The following LCLAT1 variants were observed in gnomAD, a reference collection of about 807,000 sequenced individuals.
The protein encoded by LCLAT1 is lysocardiolipin acyltransferase 1.
LCLAT1 carries 11 observed loss-of-function variants against 30.7 expected under a neutral mutation model. The ratio of observed to expected loss-of-function variants is 0.36; its 90% CI spans 0.23 to 0.59. LCLAT1 has a LOEUF of 0.59. Among genes scored for constraint, LCLAT1 ranks in the 20% least tolerant of loss-of-function variants. The pLI is 0.77. For synonymous variants in LCLAT1, 155 were observed against 151.3 expected, an observed-to-expected ratio of 1.02 and a Z score of -0.18; for missense variants, 402 against 458.6, an observed-to-expected ratio of 0.88 and a Z score of 1.13.
At chr2:30,560,630 C>T (rs1170333242) in intron 3 of LCLAT1, among the ~76,000 whole-genome samples, 3 of 152,082 alleles carry the variant, frequency 2.0e-5, no homozygotes, top group Non-Finnish European at 4.4e-5. Context: ...AGCCACCATG[C>T]CTGGCTATGT....
intron 5 of LCLAT1, among the ~76,000 whole-genome samples, chr2:30,638,509 A>C (rs978762319): frequency 6.6e-6 from 1 of 152,202 alleles, no homozygotes; most frequent in African/African-American, 2.4e-5. Flanking sequence ...ATGGTTCTGT[A>C]AGTAATCAAA....
intron 1 of LCLAT1, among the ~76,000 whole-genome samples, chr2:30,467,135 C>T (rs1237242560): frequency 2.0e-5 from 3 of 152,112 alleles, no homozygotes; most frequent in African/African-American, 4.8e-5. Context: ...TTCCCCTTCC[C>T]GTGTCCAAGT....
intron 1 of LCLAT1, among the ~76,000 whole-genome samples, chr2:30,478,621 T>C (rs1683161450): frequency 6.6e-6 from 1 of 152,170 alleles, no homozygotes. Flanking sequence ...TAAGCCATGA[T>C]TGTGCCACTG....
intron 5 of LCLAT1, among the ~76,000 whole-genome samples, chr2:30,584,892 T>G (rs1310825452): frequency 6.6e-6 from 1 of 151,192 alleles, no homozygotes; most frequent in Non-Finnish European, 1.5e-5. Flanking sequence ...CGGAAAAGTT[T>G]GCCAGTGGAA....
At chr2:30,598,316 A>G (rs973908997) in intron 5 of LCLAT1, among the ~76,000 whole-genome samples, 2 of 151,788 alleles carry the variant, frequency 1.3e-5, no homozygotes, top group Non-Finnish European at 2.9e-5. Flanking sequence ...CCTCAATTTC[A>G]GAACTCGTTA....
intron 5 of LCLAT1, among the ~76,000 whole-genome samples, chr2:30,620,087 G>T (rs1668169303): frequency 6.6e-6 from 1 of 152,128 alleles, no homozygotes; most frequent in Admixed American, 6.5e-5. Context: ...GGTTATGTAT[G>T]TTTCTCAGGG....
At chr2:30,457,849 G>A (rs571234512) in intron 1 of LCLAT1, among the ~76,000 whole-genome samples, 5 of 152,078 alleles carry the variant, frequency 3.3e-5, no homozygotes, top group East Asian at 3.8e-4. Context: ...TAACCTAAGC[G>A]TGTGTTACTT....
In LCLAT1 at chr2:30,641,300, G is replaced by GTT. The variant is rs1669292907; in HGVS notation, c.*683_*684dup. The GTT allele has an allele frequency of 6.6e-6, 1 of 152,152 alleles. No individual in the cohort carries two copies. Among genetic ancestry groups the GTT allele is most frequent in the African/African-American group, 2.4e-5 (1 of 41,424 alleles). The allele number at this position is 152,152 out of a possible 1,614,324, so 9.4% of individuals were successfully genotyped here. On this transcript the variant is annotated 3_prime_UTR_variant, in exon 6 of 6. Coordinates refer to ENST00000379509, the MANE Select transcript of LCLAT1 (RefSeq NM_001002257.3). Reference sequence around the variant, plus strand: ...ACAGGCTCTCCACTTTGAAACTTTAGTTTGAATTTTAAAAGATAGGAAGTA... The same window carrying GTT: ...ACAGGCTCTCCACTTTGAAACTTTAGTTTTTGAATTTTAAAAGATAGGAAGTA...
At chr2:30,493,907 A>G (rs1247996865) in intron 1 of LCLAT1, among the ~76,000 whole-genome samples, 1 of 152,192 alleles carries the variant, frequency 6.6e-6, no homozygotes, top group African/African-American at 2.4e-5. Context: ...TAACCCAACA[A>G]TTTCAGAGGC....
rs11325119 is a variant in LCLAT1 at position 30,523,267 on chromosome 2, G to GTTTT, written c.-4-2309_-4-2306dup. 8.2e-5 allele frequency among the ~76,000 whole-genome samples: 12 copies of GTTTT among 146,008 alleles called. No individual in the cohort carries two copies. In the East Asian group the frequency reaches 2.4e-3, roughly 29 times the overall value. On this transcript the variant is annotated intron_variant, in intron 1 of 5. Transcript: ENST00000379509. ...CAATACCAAATTAAGATGTTCGTAG[G>GTTTT]TTTTTTTTTTTTTTCTGGGGAGAAG...
chr2:30,494,580 G>A (rs887761215), intron 1 of LCLAT1, among the ~76,000 whole-genome samples: 2 of 151,438 alleles, frequency 1.3e-5, no homozygotes, highest in African/African-American at 2.4e-5. Flanking sequence ...ACATGCATAC[G>A]TGCATACATG....
At chr2:30,502,020 C>G (rs941097393) in intron 1 of LCLAT1, among the ~76,000 whole-genome samples, 20 of 152,108 alleles carry the variant, frequency 1.3e-4, no homozygotes, top group African/African-American at 4.1e-4. Context: ...ACAGATGTTG[C>G]TGGGATATTT....
At chr2:30,547,249 G>C (rs891933135) in intron 3 of LCLAT1, among the ~76,000 whole-genome samples, 1 of 152,122 alleles carries the variant, frequency 6.6e-6, no homozygotes, top group Admixed American at 6.5e-5. Flanking sequence ...CTATGCTATA[G>C]CTATTACTGT....
At position 30,449,490 on chromosome 2, in the gene LCLAT1, A is replaced by G. The variant is rs376056304; in HGVS notation, c.-5+2107A>G. Among the ~76,000 whole-genome samples, 152 of 151,158 alleles carry G rather than the reference A, an allele frequency of 1.0e-3. 1 individual carries two copies. Among genetic ancestry groups the G allele is most frequent in the African/African-American group, 3.4e-3 (142 of 41,218 alleles). ...TAAAAAGTTATTTTGAAACAGAGTT[A>G]TGACTAATTTCTTTTTTTTTTTTTT... On this transcript the variant is annotated intron_variant, in intron 1 of 5. Transcript: ENST00000379509.
chr2:30,641,763 G>C lies in LCLAT1; in HGVS notation c.*1144G>C, dbSNP rs920360375. 2 of 152,054 alleles carry C rather than the reference G, an allele frequency of 1.3e-5. No homozygotes were observed. The highest frequency in any genetic ancestry group is 4.8e-5 in the African/African-American group (2 of 41,408). The allele number at this position is 152,054 out of a possible 1,614,324, so 9.4% of individuals were successfully genotyped here. A position where few individuals can be genotyped will look rare whatever the true frequency, so the allele number is the denominator to read the frequency against. ...AATAGTAATATTTAAACCCACTTTT[G>C]ACCAATTGTTTGCCCAAATATTCTT... On this transcript the variant is annotated 3_prime_UTR_variant, in exon 6 of 6. Transcript: ENST00000379509.
chr2:30,506,068 G>A (rs900599499), intron 1 of LCLAT1, among the ~76,000 whole-genome samples: 58 of 152,014 alleles, frequency 3.8e-4, no homozygotes, highest in African/African-American at 1.4e-3. Context: ...CTGAAGTTTG[G>A]CCCCATTCTG....
chr2:30,557,412 C>T (rs910658584), intron 3 of LCLAT1, among the ~76,000 whole-genome samples: 1 of 150,832 alleles, frequency 6.6e-6, no homozygotes, highest in Non-Finnish European at 1.5e-5. Context: ...GAAAAATTCA[C>T]ATCAATTTTT....
chr2:30,508,263 T>C (rs909598154), intron 1 of LCLAT1, among the ~76,000 whole-genome samples: 8 of 152,216 alleles, frequency 5.3e-5, no homozygotes, highest in Non-Finnish European at 1.0e-4. Flanking sequence ...TTTCTTTTGC[T>C]GTGCAAAAGT....
chr2:30,559,111 A>G (rs911042710), intron 3 of LCLAT1, among the ~76,000 whole-genome samples: 1 of 152,156 alleles, frequency 6.6e-6, no homozygotes, highest in Non-Finnish European at 1.5e-5. Context: ...AATACATAAG[A>G]ATATATACTG....
Sources: gnomAD v4.1 joint callset for allele counts (sites outside exome capture counted in the v4.1 genomes callset) on GRCh38, gnomAD v4.1.1 for gene constraint, MANE v1.5 for transcripts, NCBI Gene and HGNC (gene_info 2026-07-23, HGNC 2026-07-21) for gene names.